The following LAMB4 variants were observed in gnomAD, a reference collection of about 807,000 sequenced individuals.
LAMB4 encodes laminin subunit beta-4.
A neutral mutation model predicts 199.2 loss-of-function variants in LAMB4; 196 were observed. That is an observed-to-expected ratio of 0.98 (90% CI 0.88 to 1.11). The LOEUF (loss-of-function observed/expected upper bound fraction) is 1.11, where lower values mean the gene tolerates loss of function less well. Ranked by LOEUF, LAMB4 falls within the 50% of genes least tolerant of loss-of-function variation. The pLI is 0.00. For synonymous variants in LAMB4, 744 were observed against 770.6 expected (o/e 0.97, Z 0.57); for missense variants, 2,080 against 2,171.2 (o/e 0.96, Z 0.83).
At chr7:108,080,030 G>A (rs79918508) in intron 14 of LAMB4, among the ~76,000 whole-genome samples, 223 of 152,282 alleles carry the variant, frequency 1.5e-3, no homozygotes, top group Middle Eastern at 3.4e-3. Context: ...AGTGTTCCGG[G>A]AAGCGACTTT....
rs1348814554 is a variant in LAMB4 at position 108,057,884 on chromosome 7, A to G, written c.3327T>C (p.Arg1109=). 6.8e-6 allele frequency: 11 copies of G among 1,613,580 alleles called. No individual in the cohort carries two copies. The Admixed American group carries it at 1.7e-4, about 24-fold the overall frequency. ...CPCKLGYGGK[R]CSECQENYYG... ...AATAATTTTCCTGGCACTCACTGCA[A>G]CGTTTCCCGCCGTAACCTAATTTAC... is the stretch of plus-strand genomic sequence containing the variant. Residue 1109 remains arginine, a synonymous_variant, in exon 24 of 34, where the codon CGT becomes CGC. Transcript: ENST00000388781.
intron 16 of LAMB4, among the ~76,000 whole-genome samples, chr7:108,077,937 T>C (rs1563071196): frequency 6.6e-6 from 1 of 152,250 alleles, no homozygotes; most frequent in Non-Finnish European, 1.5e-5. Flanking sequence ...ACATTAGTGA[T>C]GAGTTTTCAG....
chr7:108,082,746 G>A (rs1340812687), intron 14 of LAMB4, among the ~76,000 whole-genome samples: 5 of 152,100 alleles, frequency 3.3e-5, no homozygotes, highest in African/African-American at 1.2e-4. Flanking sequence ...TGTAAAATGA[G>A]CCCCCTGCCC....
chr7:108,111,969 T>C, intron 3 of LAMB4, 23 bp from the exon 4 acceptor site: 1 of 1,576,180 alleles, frequency 6.3e-7, no homozygotes, highest in Non-Finnish European at 8.6e-7. Flanking sequence ...ATTATTAAAA[T>C]TAAAAATAAA....
chr7:108,090,832 A>G (rs2037370618), intron 14 of LAMB4, among the ~76,000 whole-genome samples: 2 of 152,134 alleles, frequency 1.3e-5, no homozygotes, highest in Non-Finnish European at 2.9e-5. Flanking sequence ...GATTCCACCT[A>G]CCGCAGTTGT....
At chr7:108,017,465 T>TA in the LAMB4 span, among the ~76,000 whole-genome samples, 1 of 152,228 alleles carries the variant, frequency 6.6e-6, no homozygotes, top group Non-Finnish European at 1.5e-5. Flanking sequence ...TGTCTTCTCA[T>TA]AAAATTGGAG....
At chr7:108,030,182 A>G (rs1371609865) in intron 32 of LAMB4, among the ~76,000 whole-genome samples, 2 of 152,014 alleles carry the variant, frequency 1.3e-5, no homozygotes, top group Non-Finnish European at 2.9e-5. Context: ...AGTTCCTGTC[A>G]GTGGAAAATT....
At position 108,109,254 on chromosome 7, in the gene LAMB4, A is replaced by C; in HGVS notation, c.329-10T>G. ...CTGACATGATCAAGACCTAAGGAAG[A>C]ATCCAGAAAGAAGAAAATCAGTGAT... is the stretch of plus-strand genomic sequence containing the variant. On this transcript the variant is annotated splice_polypyrimidine_tract_variant and intron_variant, in intron 4 of 33. Transcript: ENST00000388781. 1.9e-6 allele frequency: 3 copies of C among 1,602,826 alleles called. No homozygotes were observed. Among genetic ancestry groups the C allele is most frequent in the Non-Finnish European group, 2.6e-6 (3 of 1,171,110 alleles).
intron 2 of LAMB4, among the ~76,000 whole-genome samples, chr7:108,121,929 A>G (rs1195858275): frequency 1.3e-5 from 2 of 152,198 alleles, no homozygotes; most frequent in African/African-American, 2.4e-5. Flanking sequence ...CAAACTATCA[A>G]TGGGAAAATT....
In LAMB4 at chr7:108,099,073, G is replaced by A. The variant is rs532249773; in HGVS notation, c.1181-491C>T. On this transcript the variant is annotated intron_variant, in intron 10 of 33. Transcript: ENST00000388781. ...AAAATCTCTGAAACGTGCTTAAAAAGTAAGTCTCTCCTCTATCACAGAAAA... is the reference window on the plus strand; with the variant it reads ...AAAATCTCTGAAACGTGCTTAAAAAATAAGTCTCTCCTCTATCACAGAAAA... 2.3e-4 allele frequency among the ~76,000 whole-genome samples: 35 copies of A among 152,292 alleles called. No individual in the cohort carries two copies. In the East Asian group the frequency reaches 6.8e-3, roughly 29 times the overall value.
chr7:108,088,412 C>T (rs750259056), intron 14 of LAMB4, among the ~76,000 whole-genome samples: 1 of 152,146 alleles, frequency 6.6e-6, no homozygotes, highest in Non-Finnish European at 1.5e-5. Flanking sequence ...GACCTGCTCG[C>T]CTCGGCCTCT....
At position 108,123,138 on chromosome 7, in the gene LAMB4, C is replaced by CA. The variant is rs747409331; in HGVS notation, c.26dup (p.Leu9PhefsTer14). 35 of 1,607,452 alleles carry CA rather than the reference C, an allele frequency of 2.2e-5. No individual in the cohort carries two copies. The Admixed American group carries it at 4.6e-4, about 21-fold the overall frequency. On this transcript the variant is annotated frameshift_variant, in exon 2 of 34. Coordinates refer to ENST00000388781, the MANE Select transcript of LAMB4 (RefSeq NM_007356.3). LOFTEE classifies it high-confidence loss of function. ...TTGACAACAAATACTCACCAAGGTGCAAAAAAAGGGTCAGTTGAAATTGCA... is the reference window on the plus strand; with the variant it reads ...TTGACAACAAATACTCACCAAGGTGCAAAAAAAAGGGTCAGTTGAAATTGCA...
At chr7:108,029,291 C>G in intron 32 of LAMB4, 95 bp from the exon 33 acceptor site, 1 of 1,063,122 alleles carries the variant, frequency 9.4e-7, no homozygotes, top group South Asian at 1.8e-5. Flanking sequence ...AGAAGGAATA[C>G]AGAGGAAACC....
chr7:108,027,604 C>T (rs2034881681), intron 33 of LAMB4, among the ~76,000 whole-genome samples: 1 of 152,196 alleles, frequency 6.6e-6, no homozygotes, highest in Admixed American at 6.5e-5. Context: ...GAATTACTTA[C>T]ACTCCTAGTT....
the LAMB4 span, among the ~76,000 whole-genome samples, chr7:108,013,591 T>C: frequency 6.6e-6 from 1 of 152,142 alleles, no homozygotes; most frequent in African/African-American, 2.4e-5. Flanking sequence ...AGTCTGCAAG[T>C]CTTAGTCACC....
intron 14 of LAMB4, among the ~76,000 whole-genome samples, chr7:108,084,237 T>C (rs2037074484): frequency 6.6e-6 from 1 of 152,186 alleles, no homozygotes; most frequent in African/African-American, 2.4e-5. Flanking sequence ...GAGGCTGTAG[T>C]TTGTCTCACT....
intron 25 of LAMB4, 152 bp downstream of exon 25, chr7:108,055,480 C>A (rs1171258664): frequency 1.0e-5 from 9 of 864,694 alleles, no homozygotes; most frequent in Non-Finnish European, 1.4e-5. Context: ...AGCTATGGCG[C>A]CCGGCCCAGC....
intron 2 of LAMB4, among the ~76,000 whole-genome samples, chr7:108,118,128 T>G (rs1478770946): frequency 2.0e-5 from 3 of 152,180 alleles, no homozygotes; most frequent in East Asian, 1.9e-4. Context: ...TAGTTTTTTT[T>G]CTTTTAAAAA....
chr7:108,048,159 T>C (rs1380916762), intron 27 of LAMB4, 48 bp from the exon 28 acceptor site: 1 of 130,978 alleles, frequency 7.6e-6, no homozygotes, highest in Non-Finnish European at 1.2e-5. Flanking sequence ...TTGTCAGAGC[T>C]TTTTTTTTTT....
Sources: gnomAD v4.1 joint callset for allele counts (sites outside exome capture counted in the v4.1 genomes callset) on GRCh38, gnomAD v4.1.1 for gene constraint, MANE v1.5 for transcripts, NCBI Gene and HGNC (gene_info 2026-07-23, HGNC 2026-07-21) for gene names.